ZMYM2: variants seen among roughly 807,000 people sequenced by gnomAD.
The protein encoded by ZMYM2 is zinc finger MYM-type protein 2.
Under a neutral mutation model 162.8 loss-of-function variants are expected in ZMYM2, and 56 were observed. That is an observed-to-expected ratio of 0.34 (90% CI 0.28 to 0.43). ZMYM2 has a LOEUF of 0.43. ZMYM2 is among the 20% of genes least tolerant of loss of function. The pLI, the probability that ZMYM2 is intolerant of heterozygous loss-of-function variation, is 1.00. For missense variants in ZMYM2, 1,275 were observed against 1,621.8 expected (o/e 0.79, Z 3.67); for synonymous variants, 510 against 541.6 (o/e 0.94, Z 0.81).
intron 21 of ZMYM2, among the ~76,000 whole-genome samples, chr13:20,075,370 G>A (rs1957410915): frequency 6.6e-6 from 1 of 152,216 alleles, no homozygotes; most frequent in Non-Finnish European, 1.5e-5. Context: ...AAACATAATT[G>A]TAAATAGCTG....
At chr13:20,060,145 T>A (rs536480198) in intron 16 of ZMYM2, among the ~76,000 whole-genome samples, 2 of 152,282 alleles carry the variant, frequency 1.3e-5, no homozygotes, top group South Asian at 4.1e-4. Flanking sequence ...CCACAGGTGG[T>A]CCTGGAACCA....
At chr13:19,981,698 T>C (rs1434929359) in intron 2 of ZMYM2, among the ~76,000 whole-genome samples, 1 of 152,216 alleles carries the variant, frequency 6.6e-6, no homozygotes. Flanking sequence ...TATCTTTTCT[T>C]TTCTCTCTGA....
chr13:19,931,188 T>C, the ZMYM2 span, among the ~76,000 whole-genome samples: 1 of 151,608 alleles, frequency 6.6e-6, no homozygotes, highest in Admixed American at 6.6e-5. Context: ...AAGGACATTT[T>C]AGTTTGTTAA....
intron 7 of ZMYM2, among the ~76,000 whole-genome samples, chr13:20,020,980 CTT>C (rs370623313): frequency 7.0e-6 from 1 of 143,600 alleles, no homozygotes; most frequent in African/African-American, 2.5e-5. Flanking sequence ...CTACTGTTTA[CTT>C]TTTTTTTTTT....
At chr13:19,905,096 T>C in the ZMYM2 span, among the ~76,000 whole-genome samples, 1 of 151,222 alleles carries the variant, frequency 6.6e-6, no homozygotes, top group Non-Finnish European at 1.5e-5. Flanking sequence ...ACTGCAACCT[T>C]CGCCTCCCAG....
the ZMYM2 span, among the ~76,000 whole-genome samples, chr13:19,918,217 G>A: frequency 6.6e-6 from 1 of 152,046 alleles, no homozygotes; most frequent in African/African-American, 2.4e-5. Flanking sequence ...GGCCAAGGTG[G>A]GTGGATTACC....
intron 2 of ZMYM2, among the ~76,000 whole-genome samples, chr13:19,963,641 C>T (rs1002686084): frequency 1.3e-5 from 2 of 152,040 alleles, no homozygotes; most frequent in African/African-American, 2.4e-5. Flanking sequence ...ATGGTCATCA[C>T]CAAATGCTTG....
the ZMYM2 span, among the ~76,000 whole-genome samples, chr13:19,886,286 T>C: frequency 6.8e-6 from 1 of 145,988 alleles, no homozygotes; most frequent in African/African-American, 2.5e-5. Context: ...TGCCTCAGCC[T>C]CCCAAGTAGC....
At chr13:19,908,025 C>T in the ZMYM2 span, among the ~76,000 whole-genome samples, 2 of 151,984 alleles carry the variant, frequency 1.3e-5, no homozygotes, top group Admixed American at 6.6e-5. Context: ...TGGTGGCTCA[C>T]GCCAGTAATC....
At chr13:20,073,832 T>C (rs946563140) in intron 21 of ZMYM2, among the ~76,000 whole-genome samples, 1 of 151,888 alleles carries the variant, frequency 6.6e-6, no homozygotes, top group African/African-American at 2.4e-5. Flanking sequence ...AGTTTTTTTT[T>C]CTCTCAGTTT....
chr13:19,931,041 A>G, the ZMYM2 span, among the ~76,000 whole-genome samples: 22 of 151,194 alleles, frequency 1.5e-4, no homozygotes, highest in Non-Finnish European at 2.9e-4. Flanking sequence ...TGGGGGGCTG[A>G]GGCAGGAGAA....
At chr13:19,980,291 A>G (rs1957198212) in intron 2 of ZMYM2, among the ~76,000 whole-genome samples, 1 of 152,114 alleles carries the variant, frequency 6.6e-6, no homozygotes, top group South Asian at 2.1e-4. Context: ...AAAAATTTAT[A>G]TACCCTATTG....
chr13:20,004,113 T>G (rs747475369), intron 4 of ZMYM2, among the ~76,000 whole-genome samples: 6 of 152,246 alleles, frequency 3.9e-5, no homozygotes, highest in Non-Finnish European at 5.9e-5. Context: ...CTTAGTGTTC[T>G]CTACATGTTT....
intron 5 of ZMYM2, 52 bp from the exon 6 acceptor site, chr13:20,006,322 G>T (rs1164434606): frequency 6.7e-7 from 1 of 1,481,626 alleles, no homozygotes. Flanking sequence ...TTATTATTTA[G>T]CTACTTGTCA....
In ZMYM2 at chr13:19,993,282, A is replaced by G. The variant is rs953562792; in HGVS notation, c.210A>G (p.Pro70=). Residue 70 remains proline (P), a synonymous_variant, in exon 3 of 25, where the codon CCA becomes CCG. Transcript: ENST00000610343. ...VVFIEPVQPP[P]PSVPVVADQR... The stretch of plus-strand genomic sequence containing the variant: ...TTATCGAACCTGTACAACCTCCCCC[A>G]CCTTCTGTACCAGTGGTAGCTGATC... 1.2e-6 allele frequency: 2 copies of G among 1,613,802 alleles called. No individual in the cohort carries two copies. Among genetic ancestry groups the G allele is most frequent in the Non-Finnish European group, 1.7e-6 (2 of 1,179,878 alleles).
At chr13:19,957,232 G>T (rs77634732), upstream of ZMYM2, among the ~76,000 whole-genome samples, 108 of 151,852 alleles carry the variant, frequency 7.1e-4, no homozygotes, top group East Asian at 0.02. Flanking sequence ...AGTCTTTCAC[G>T]GGTGATTAAC....
At chr13:20,059,006 C>T (rs1956026870) in intron 15 of ZMYM2, 1 of 449,584 alleles carries the variant, frequency 2.2e-6, no homozygotes, top group African/African-American at 2.0e-5. Context: ...CTGAGAAAAT[C>T]ATCTCTTTGC....
the ZMYM2 span, among the ~76,000 whole-genome samples, chr13:19,880,950 A>G: frequency 1.3e-5 from 2 of 150,194 alleles, no homozygotes; most frequent in Non-Finnish European, 3.0e-5. Flanking sequence ...GTGCCATGGC[A>G]TGATCTCTGC....
intron 12 of ZMYM2, among the ~76,000 whole-genome samples, chr13:20,045,367 G>A (rs1954674228): frequency 6.6e-6 from 1 of 152,142 alleles, no homozygotes; most frequent in Admixed American, 6.5e-5. Flanking sequence ...GAGGTTTGAT[G>A]TACTAAAAAA....
Sources: gnomAD v4.1 joint callset for allele counts (sites outside exome capture counted in the v4.1 genomes callset) on GRCh38, gnomAD v4.1.1 for gene constraint, MANE v1.5 for transcripts, NCBI Gene and HGNC (gene_info 2026-07-23, HGNC 2026-07-21) for gene names.